Variants in AGBL1 observed in about 807,000 individuals in gnomAD.
AGBL1 encodes cytosolic carboxypeptidase 4.
A neutral mutation model predicts 118.9 loss-of-function variants in AGBL1; 130 were observed. That is an observed-to-expected ratio of 1.09 (90% CI 0.95 to 1.26). The LOEUF is 1.26. Ranked by LOEUF, AGBL1 falls within the 50% of genes most tolerant of loss-of-function variation. AGBL1 has a pLI of 0.00. For synonymous variants in AGBL1, 555 were observed against 478.9 expected (o/e 1.16, Z -2.08); for missense variants, 1,584 against 1,298.1 (o/e 1.22, Z -3.38).
chr15:86,959,437 G>A (rs1356614024), intron 23 of AGBL1, among the ~76,000 whole-genome samples: 1 of 152,068 alleles, frequency 6.6e-6, no homozygotes, highest in African/African-American at 2.4e-5. Context: ...GGTTTGACCA[G>A]AAGTGGTTTC....
chr15:86,926,213 A>G (rs540977391), intron 23 of AGBL1, among the ~76,000 whole-genome samples: 10 of 151,832 alleles, frequency 6.6e-5, no homozygotes, highest in African/African-American at 1.9e-4. Context: ...TCTCCTTTCT[A>G]TCTGCTGCAG....
intron 16 of AGBL1, among the ~76,000 whole-genome samples, chr15:86,290,581 A>C (rs2079529032): frequency 6.6e-6 from 1 of 151,730 alleles, no homozygotes; most frequent in Non-Finnish European, 1.5e-5. Context: ...TGAACTCCTG[A>C]GCTTAAGCAA....
intron 5 of AGBL1, among the ~76,000 whole-genome samples, 168 bp downstream of exon 5, chr15:86,159,194 A>G (rs1467378546): frequency 6.6e-6 from 1 of 152,102 alleles, no homozygotes; most frequent in Non-Finnish European, 1.5e-5. Flanking sequence ...CTCCACACCC[A>G]TGAGTCATTT....
chr15:86,165,621 G>A (rs1356574596), intron 5 of AGBL1, among the ~76,000 whole-genome samples: 3 of 152,042 alleles, frequency 2.0e-5, no homozygotes, highest in African/African-American at 7.2e-5. Context: ...ATTCCCCCTG[G>A]GTTTTAATTC....
chr15:86,556,613 A>T (rs2083737999), intron 21 of AGBL1, among the ~76,000 whole-genome samples: 1 of 152,098 alleles, frequency 6.6e-6, no homozygotes, highest in South Asian at 2.1e-4. Context: ...TGTTTTGGTG[A>T]TTTTTGCGTA....
At chr15:86,702,545 A>G (rs924834975) in intron 22 of AGBL1, among the ~76,000 whole-genome samples, 2 of 152,038 alleles carry the variant, frequency 1.3e-5, no homozygotes, top group African/African-American at 4.8e-5. Context: ...TCCACTCCCT[A>G]ACTCACTGCA....
At chr15:86,921,387 C>G (rs1048121906) in intron 23 of AGBL1, among the ~76,000 whole-genome samples, 2 of 152,020 alleles carry the variant, frequency 1.3e-5, no homozygotes, top group African/African-American at 4.8e-5. Context: ...TGGTCGGGGT[C>G]CAAGTTTCTG....
chr15:87,020,398 C>G (rs1045092167), intron 24 of AGBL1, among the ~76,000 whole-genome samples: 2 of 152,092 alleles, frequency 1.3e-5, no homozygotes, highest in African/African-American at 2.4e-5. Flanking sequence ...CAATATCACA[C>G]TGAATAGGCA....
intron 4 of AGBL1, among the ~76,000 whole-genome samples, chr15:86,158,138 C>G (rs1415236220): frequency 6.6e-6 from 1 of 152,176 alleles, no homozygotes; most frequent in Non-Finnish European, 1.5e-5. Flanking sequence ...ACTTCATGTA[C>G]TAGCCTCAGG....
rs770706712 is a variant in AGBL1 at position 86,264,839 on chromosome 15, G to A, written c.1667+1G>A. 6 of 1,583,660 alleles carry A rather than the reference G, an allele frequency of 3.8e-6. No homozygotes were observed. The highest frequency in any genetic ancestry group is 4.3e-6 in the Non-Finnish European group (5 of 1,168,990). Reference sequence around the variant, plus strand: ...TGGAACGAAAATGTGGAGTCCAAAGGTGATGGCGCTACTGACTTGGGAGCT... The same window carrying A: ...TGGAACGAAAATGTGGAGTCCAAAGATGATGGCGCTACTGACTTGGGAGCT... On this transcript the variant is annotated splice_donor_variant, in intron 11 of 22. Transcript: ENST00000614907. LOFTEE classifies it high-confidence loss of function.
At chr15:86,852,472 C>T (rs937692776) in intron 22 of AGBL1, among the ~76,000 whole-genome samples, 32 of 152,246 alleles carry the variant, frequency 2.1e-4, no homozygotes, top group East Asian at 1.5e-3. Flanking sequence ...AATCACTTTA[C>T]GACATCCCCT....
chr15:86,159,850 T>C (rs1043875934), intron 5 of AGBL1, among the ~76,000 whole-genome samples: 2 of 152,108 alleles, frequency 1.3e-5, no homozygotes, highest in Non-Finnish European at 2.9e-5. Flanking sequence ...TATTTTTCTC[T>C]TGGGTCACTA....
chr15:86,820,233 C>T (rs2078920334), intron 22 of AGBL1, among the ~76,000 whole-genome samples: 1 of 152,068 alleles, frequency 6.6e-6, no homozygotes, highest in Admixed American at 6.5e-5. Context: ...TAGGCATGGG[C>T]AAAGACTTCA....
chr15:86,150,837 C>T (rs984960635), intron 3 of AGBL1, among the ~76,000 whole-genome samples: 18 of 152,122 alleles, frequency 1.2e-4, no homozygotes, highest in African/African-American at 4.3e-4. Flanking sequence ...AGAACAATAT[C>T]CCTGATGAAC....
At chr15:86,988,212 A>G (rs549406604) in intron 24 of AGBL1, 8 of 1,196,046 alleles carry the variant, frequency 6.7e-6, no homozygotes, top group African/African-American at 1.5e-5. Context: ...ACAACAAAAA[A>G]ACAACATACC....
At chr15:86,457,433 A>G (rs1473217798) in intron 18 of AGBL1, among the ~76,000 whole-genome samples, 3 of 152,164 alleles carry the variant, frequency 2.0e-5, no homozygotes, top group Admixed American at 6.6e-5. Flanking sequence ...AATACCTGAA[A>G]TATTCTCTGC....
intron 22 of AGBL1, among the ~76,000 whole-genome samples, chr15:86,843,794 T>C (rs956747164): frequency 3.9e-5 from 6 of 152,202 alleles, no homozygotes; most frequent in African/African-American, 1.4e-4. Flanking sequence ...CAATGATTTT[T>C]AGCAAATGTA....
intron 17 of AGBL1, among the ~76,000 whole-genome samples, chr15:86,364,795 C>T (rs981485522): frequency 6.6e-6 from 1 of 151,476 alleles, no homozygotes; most frequent in Non-Finnish European, 1.5e-5. Context: ...TTACCTACAA[C>T]CTGGTAGGGT....
intron 16 of AGBL1, among the ~76,000 whole-genome samples, chr15:86,282,310 C>A (rs778441199): frequency 7.2e-5 from 11 of 152,104 alleles, no homozygotes. Context: ...TTAATTGATG[C>A]TTATTGGCTT....
Sources: gnomAD v4.1 joint callset for allele counts (sites outside exome capture counted in the v4.1 genomes callset) on GRCh38, gnomAD v4.1.1 for gene constraint, MANE v1.5 for transcripts, NCBI Gene and HGNC (gene_info 2026-07-23, HGNC 2026-07-21) for gene names.